Variants in RBFOX1 observed in about 807,000 individuals in gnomAD.
RBFOX1 encodes RNA binding fox-1 homolog 1, also known as RNA binding protein fox-1 homolog 1.
In RBFOX1, 8 loss-of-function variants were observed where a neutral mutation model predicts 57.7. The observed-to-expected ratio is 0.14, with a 90% confidence interval of 0.08 to 0.25. The LOEUF is 0.25. Among genes scored for constraint, RBFOX1 ranks in the 10% least tolerant of loss-of-function variants. The pLI, the probability that RBFOX1 is intolerant of heterozygous loss-of-function variation, is 1.00. For synonymous variants in RBFOX1, 326 were observed against 222.4 expected (o/e 1.47, Z -4.15); for missense variants, 611 against 548.5 (o/e 1.11, Z -1.14).
intron 1 of RBFOX1, among the ~76,000 whole-genome samples, chr16:5,427,142 C>G (rs1463911486): frequency 3.3e-5 from 5 of 152,204 alleles, no homozygotes; most frequent in Admixed American, 6.5e-5. Flanking sequence ...ATGCTGTGTT[C>G]TGGAAGTAAG....
chr16:6,959,186 A>C (rs1038485381), intron 3 of RBFOX1, among the ~76,000 whole-genome samples: 1 of 152,148 alleles, frequency 6.6e-6, no homozygotes, highest in Non-Finnish European at 1.5e-5. Flanking sequence ...TCATCTGTGA[A>C]ATACTCGCTC....
At chr16:7,521,793 C>G (rs1001123477) in intron 5 of RBFOX1, among the ~76,000 whole-genome samples, 1 of 152,178 alleles carries the variant, frequency 6.6e-6, no homozygotes, top group African/African-American at 2.4e-5. Flanking sequence ...AAAGAGAAAA[C>G]TCAGTAGGAA....
At chr16:6,666,145 T>A (rs2098731297) in intron 3 of RBFOX1, among the ~76,000 whole-genome samples, 1 of 152,182 alleles carries the variant, frequency 6.6e-6, no homozygotes, top group South Asian at 2.1e-4. Context: ...CATGGAACTG[T>A]GAGTCTATTA....
intron 2 of RBFOX1, among the ~76,000 whole-genome samples, chr16:6,583,235 C>T (rs80107751): frequency 0.011 from 1,609 of 152,212 alleles, 20 homozygotes; most frequent in African/African-American, 0.032. Context: ...CACTGTGGTC[C>T]GGGGCACATG....
intron 3 of RBFOX1, among the ~76,000 whole-genome samples, chr16:5,674,690 G>C (rs898743230): frequency 3.3e-5 from 5 of 152,192 alleles, no homozygotes; most frequent in African/African-American, 1.2e-4. Context: ...CGTGGCGAAT[G>C]CATGGACGTT....
intron 4 of RBFOX1, among the ~76,000 whole-genome samples, chr16:7,076,236 G>C (rs1203287713): frequency 1.4e-5 from 2 of 148,046 alleles, no homozygotes; most frequent in Non-Finnish European, 3.0e-5. Context: ...GTTTCACCAT[G>C]TTGGCCAGGA....
At chr16:7,184,330 C>T (rs1173785537) in intron 4 of RBFOX1, among the ~76,000 whole-genome samples, 1 of 152,176 alleles carries the variant, frequency 6.6e-6, no homozygotes, top group Non-Finnish European at 1.5e-5. Flanking sequence ...TGACAGTGTA[C>T]TCTGTTCCTT....
intron 4 of RBFOX1, among the ~76,000 whole-genome samples, chr16:5,868,557 A>G (rs971466127): frequency 3.9e-5 from 6 of 152,204 alleles, no homozygotes; most frequent in African/African-American, 1.4e-4. Flanking sequence ...ATTATCCACA[A>G]GTATCCATTC....
chr16:6,361,370 C>A lies in RBFOX1; in HGVS notation c.-64+44313C>A, dbSNP rs142547698. On this transcript the variant is annotated intron_variant, in intron 2 of 15. Transcript: ENST00000550418. ...CTGGGCCAGGCGCGGTGGCTCACAC[C>A]TGTAATCCTAGCAGTTTGGGAGGCC... Among the ~76,000 whole-genome samples, 465 of 152,228 alleles carry A rather than the reference C, an allele frequency of 3.1e-3. 3 individuals are homozygous for A. Among genetic ancestry groups the A allele is most frequent in the African/African-American group, 0.01 (417 of 41,530 alleles).
chr16:6,456,425 C>T (rs776538211), intron 2 of RBFOX1, among the ~76,000 whole-genome samples: 8 of 152,174 alleles, frequency 5.3e-5, no homozygotes, highest in Non-Finnish European at 1.2e-4. Context: ...ATTCCCATCT[C>T]AGCCTCTAGA....
chr16:5,783,209 C>A (rs1211622619), intron 3 of RBFOX1, among the ~76,000 whole-genome samples: 1 of 152,176 alleles, frequency 6.6e-6, no homozygotes, highest in Non-Finnish European at 1.5e-5. Context: ...TAAAATTCGG[C>A]TCTTGAAGAT....
rs550120300 is a variant in RBFOX1, at chr16:7,243,773, C to A, written c.27+191675C>A. Among the ~76,000 whole-genome samples the A allele has an allele frequency of 3.3e-5, 5 of 152,114 alleles. No homozygotes were observed. The East Asian group carries it at 5.8e-4, about 18-fold the overall frequency. On this transcript the variant is annotated intron_variant, in intron 4 of 15. Coordinates refer to ENST00000550418, the MANE Select transcript of RBFOX1 (RefSeq NM_018723.4). ...CTGTGCTTCCCAGACTGGTCTTGAACTTTTAGGCTCAAGTGATCCTCCTTG... is the reference window on the plus strand; with the variant it reads ...CTGTGCTTCCCAGACTGGTCTTGAAATTTTAGGCTCAAGTGATCCTCCTTG...
Position 7,098,061 on chromosome 16 carries a change from A to G in RBFOX1, c.27+45963A>G, listed in dbSNP as rs139635981. Among the ~76,000 whole-genome samples the G allele has an allele frequency of 1.1e-4, 16 of 152,340 alleles. No homozygotes were observed. The East Asian group carries it at 3.1e-3, about 29-fold the overall frequency. ...TTCAAGTAAAGCCAGTGTTGTCAAT[A>G]TGCTAACTTAAAAGGCTAATCAAAC... On this transcript the variant is annotated intron_variant, in intron 4 of 15. Coordinates refer to ENST00000550418, the MANE Select transcript of RBFOX1 (RefSeq NM_018723.4).
At chr16:7,429,107 G>A (rs1003583387) in intron 4 of RBFOX1, among the ~76,000 whole-genome samples, 3 of 152,186 alleles carry the variant, frequency 2.0e-5, no homozygotes, top group African/African-American at 4.8e-5. Flanking sequence ...CAGAGCTGGT[G>A]GGAAATCGAG....
In RBFOX1 at chr16:7,156,224, A is replaced by G. The variant is rs145550618; in HGVS notation, c.27+104126A>G. On this transcript the variant is annotated intron_variant, in intron 4 of 15. Transcript: ENST00000550418. ...GACTTGCTACTCTGGAAGTCCATATATATATATACACACACATATATATGT... is the reference window on the plus strand; with the variant it reads ...GACTTGCTACTCTGGAAGTCCATATGTATATATACACACACATATATATGT... 5.3e-5 allele frequency among the ~76,000 whole-genome samples: 8 copies of G among 151,684 alleles called. No homozygotes were observed. In the East Asian group the frequency reaches 1.6e-3, roughly 29 times the overall value.
intron 3 of RBFOX1, among the ~76,000 whole-genome samples, chr16:6,970,790 A>C (rs1487783471): frequency 6.6e-6 from 1 of 152,202 alleles, no homozygotes; most frequent in Non-Finnish European, 1.5e-5. Context: ...ATTGGGTCTT[A>C]TGCCCTGTCT....
chr16:5,342,135 T>C (rs1015112897), intron 1 of RBFOX1, among the ~76,000 whole-genome samples: 1 of 152,178 alleles, frequency 6.6e-6, no homozygotes, highest in African/African-American at 2.4e-5. Context: ...GGCATAATTT[T>C]CCACCTTCTA....
At chr16:7,181,618 A>AGTG (rs1452244609) in intron 4 of RBFOX1, among the ~76,000 whole-genome samples, 3 of 151,192 alleles carry the variant, frequency 2.0e-5, no homozygotes, top group Non-Finnish European at 2.9e-5. Context: ...GCTGGAGTGC[A>AGTG]GTGGTGCGAT....
At chr16:7,506,594 A>ATCC (rs1291227767) in intron 4 of RBFOX1, among the ~76,000 whole-genome samples, 4 of 151,342 alleles carry the variant, frequency 2.6e-5, no homozygotes, top group African/African-American at 9.8e-5. Context: ...CATCATCATC[A>ATCC]TCATCATCAT....
Sources: gnomAD v4.1 joint callset for allele counts (sites outside exome capture counted in the v4.1 genomes callset) on GRCh38, gnomAD v4.1.1 for gene constraint, MANE v1.5 for transcripts, NCBI Gene and HGNC (gene_info 2026-07-23, HGNC 2026-07-21) for gene names.